The following DMRT3 variants were observed in gnomAD, a reference collection of about 807,000 sequenced individuals.
The protein encoded by DMRT3 is doublesex and mab-3 related transcription factor 3, also known as doublesex- and mab-3-related transcription factor 3.
In DMRT3, 29 loss-of-function variants were observed where a neutral mutation model predicts 34.9. The observed-to-expected ratio is 0.83, with a 90% CI of 0.62 to 1.13. DMRT3 has a LOEUF of 1.13. Ranked by LOEUF, DMRT3 falls within the 50% of genes most tolerant of loss-of-function variation. The pLI is 0.00. For missense variants in DMRT3, 772 were observed against 629.1 expected (o/e 1.23, Z -2.43); for synonymous variants, 350 against 286.0 (o/e 1.22, Z -2.26).
Position 990,605 on chromosome 9 carries a change from T to C in DMRT3, c.1019T>C (p.Leu340Ser). 6.2e-7 allele frequency: 1 copy of C among 1,614,132 alleles called. No individual in the cohort carries two copies. Among genetic ancestry groups the C allele is most frequent in the Non-Finnish European group, 8.5e-7 (1 of 1,180,026 alleles). ...TCAGCCTTTCGAGTCCCAGACACGT[T>C]GAGGTTTTCTGCCGACTCTAGCAAC... ...VGSAFRVPDT[L>S]RFSADSSNVV... The change falls in exon 2 of 2, where the codon TTG (leucine) becomes TCG (serine). Residue 340 changes from leucine (L) to serine (S), a missense_variant. Physicochemically the swap from Leu to Ser is moderately radical, Grantham distance 145 (BLOSUM62 -2). Coordinates refer to ENST00000190165, the MANE Select transcript of DMRT3 (RefSeq NM_021240.4).
rs1204577055 is a variant in DMRT3, at chr9:990,898, C to T, written c.1312C>T (p.Pro438Ser). 1.2e-6 allele frequency: 2 copies of T among 1,614,036 alleles called. No homozygotes were observed. The highest frequency in any genetic ancestry group is 1.3e-5 in the African/African-American group (1 of 74,912). Residue 438 changes from proline (P) to serine (S), a missense_variant, in exon 2 of 2, where the codon CCT (proline) becomes TCT (serine). Coordinates refer to ENST00000190165, the MANE Select transcript of DMRT3 (RefSeq NM_021240.4). ...CACGGAAGACCCTCGGATTTCCATC[C>T]CTGATGATGGGTGTCCATTTGTGTC... is the stretch of plus-strand genomic sequence containing the variant. ...RATEDPRISI[P>S]DDGCPFVSKQ...
rs1820359715 is a variant in DMRT3 at position 991,148 on chromosome 9, A to T, written c.*143A>T. ...GCTTGATTCTATACATTAGCAATAA[A>T]AACATAACTTATTTAACTTCTTGCA... On this transcript the variant is annotated 3_prime_UTR_variant, in exon 2 of 2. Coordinates refer to ENST00000190165, the MANE Select transcript of DMRT3 (RefSeq NM_021240.4). 1 of 1,144,514 alleles carries T rather than the reference A, an allele frequency of 8.7e-7. No individual in the cohort carries two copies. The highest frequency in any genetic ancestry group is 1.2e-6 in the Non-Finnish European group (1 of 816,486). The allele number at this position is 1,144,514 out of a possible 1,614,324, so 70.9% of individuals were successfully genotyped here.
rs1214082231 is a variant in DMRT3, at chr9:991,598, T to C, written c.*593T>C. ...CTTTTCACATGGCTGAATCGAAACA[T>C]GTGTAATGTCAATGTAAAACCAATC... On this transcript the variant is annotated 3_prime_UTR_variant, in exon 2 of 2. Transcript: ENST00000190165. 6.6e-6 allele frequency: 1 copy of C among 152,532 alleles called. No individual in the cohort carries two copies. The highest frequency in any genetic ancestry group is 2.4e-5 in the African/African-American group (1 of 41,410). 9.4% of individuals were successfully genotyped at this position (152,532 alleles called of 1,614,324 possible). A position where few individuals can be genotyped will look rare whatever the true frequency, so the allele number is the denominator to read the frequency against.
At chr9:989,197 A>T (rs1820321337) in intron 1 of DMRT3, among the ~76,000 whole-genome samples, 1 of 152,236 alleles carries the variant, frequency 6.6e-6, no homozygotes, top group Admixed American at 6.5e-5. Context: ...CCAGCAAAAC[A>T]GTTCATGCAC....
intron 1 of DMRT3, among the ~76,000 whole-genome samples, chr9:979,574 T>A (rs1385774651): frequency 6.6e-6 from 1 of 152,170 alleles, no homozygotes; most frequent in East Asian, 1.9e-4. Flanking sequence ...TGTTTTCTTC[T>A]TTCACTTGCT....
intron 1 of DMRT3, among the ~76,000 whole-genome samples, chr9:982,010 T>G (rs144100585): frequency 6.6e-6 from 1 of 152,152 alleles, no homozygotes; most frequent in African/African-American, 2.4e-5. Context: ...AGTTGACACC[T>G]TCTGCAAAAA....
chr9:981,996 G>A (rs1820226643), intron 1 of DMRT3, among the ~76,000 whole-genome samples: 1 of 152,202 alleles, frequency 6.6e-6, no homozygotes, highest in Non-Finnish European at 1.5e-5. Context: ...GGAGTCCCGA[G>A]GTGAGTTGAC....
intron 1 of DMRT3, among the ~76,000 whole-genome samples, chr9:978,012 C>T (rs746751529): frequency 5.9e-5 from 9 of 152,200 alleles, no homozygotes; most frequent in Non-Finnish European, 1.2e-4. Context: ...CTCTCAGAAC[C>T]CTGGCCTTTC....
Position 977,345 on chromosome 9 carries a change from C to T in DMRT3, c.344C>T (p.Pro115Leu). 8.0e-7 allele frequency: 1 copy of T among 1,245,484 alleles called. No homozygotes were observed. The highest frequency in any genetic ancestry group is 1.0e-6 in the Non-Finnish European group (1 of 997,724). The allele number at this position is 1,245,484 out of a possible 1,614,324, so 77.2% of individuals were successfully genotyped here. A position where few individuals can be genotyped will look rare whatever the true frequency, so the allele number is the denominator to read the frequency against. The change falls in exon 1 of 2, where the codon CCG (proline) becomes CTG (leucine). Residue 115 changes from proline to leucine, a missense_variant. By Grantham distance (98) the Pro-to-Leu change is moderately conservative. Coordinates refer to ENST00000190165, the MANE Select transcript of DMRT3 (RefSeq NM_021240.4). ...CCGCAGCCGCCGCCAGCCTCTCAGC[C>T]GTCGCAGCCGCAGCCGCCGCGCCCT... Reference protein sequence around the residue: ...AAPQPPPASQPSQPQPPRPAA... With the variant: ...AAPQPPPASQLSQPQPPRPAA...
At chr9:979,240 A>G (rs1275078788) in intron 1 of DMRT3, among the ~76,000 whole-genome samples, 2 of 152,226 alleles carry the variant, frequency 1.3e-5, no homozygotes, top group East Asian at 3.9e-4. Context: ...AACTAAAAAC[A>G]CAACCCCAGG....
Position 990,716 on chromosome 9 carries a change from C to T in DMRT3, c.1130C>T (p.Ala377Val), listed in dbSNP as rs1252510941. The change falls in exon 2 of 2, where the codon GCG becomes GTG. Residue 377 changes from alanine to valine, a missense_variant. Transcript: ENST00000190165. ...CCGCTGATGCTGAGGAATACTTTGG[C>T]GAGAAGCCAGTCGAGCCCCTTTTTG... is the stretch of plus-strand genomic sequence containing the variant. Reference protein sequence around the residue: ...RYPLMLRNTLARSQSSPFLPN... With the variant: ...RYPLMLRNTLVRSQSSPFLPN... 2 of 1,614,052 alleles carry T rather than the reference C, an allele frequency of 1.2e-6. No individual in the cohort carries two copies. The highest frequency in any genetic ancestry group is 1.7e-6 in the Non-Finnish European group (2 of 1,180,028).
In DMRT3 at chr9:979,872, C is replaced by T. The variant is rs952262411; in HGVS notation, c.454+2417C>T. 2.0e-4 allele frequency among the ~76,000 whole-genome samples: 31 copies of T among 152,122 alleles called. 1 individual carries two copies. The highest frequency in any genetic ancestry group is 3.8e-4 in the Non-Finnish European group (26 of 68,022). On this transcript the variant is annotated intron_variant, in intron 1 of 1. Coordinates refer to ENST00000190165, the MANE Select transcript of DMRT3 (RefSeq NM_021240.4). ...ATTTAGAAGCATATCAGAACTACTC[C>T]TGAATAAGTGCAGAGAGTAAGCAAA...
At chr9:987,075 A>G (rs376160145) in intron 1 of DMRT3, among the ~76,000 whole-genome samples, 1 of 152,084 alleles carries the variant, frequency 6.6e-6, no homozygotes, top group Non-Finnish European at 1.5e-5. Context: ...AAAGTTTACA[A>G]TTTTAACCAT....
At chr9:978,535 C>G (rs948532170) in intron 1 of DMRT3, among the ~76,000 whole-genome samples, 2 of 152,210 alleles carry the variant, frequency 1.3e-5, no homozygotes, top group East Asian at 3.9e-4. Flanking sequence ...GGTACCTACA[C>G]TGACCTGCCA....
In DMRT3 at chr9:984,097, C is replaced by T. The variant is rs147722381; in HGVS notation, c.455-5944C>T. 1.1e-4 allele frequency among the ~76,000 whole-genome samples: 17 copies of T among 152,172 alleles called. No individual in the cohort carries two copies. In the East Asian group the frequency reaches 3.1e-3, roughly 28 times the overall value. On this transcript the variant is annotated intron_variant, in intron 1 of 1. Transcript: ENST00000190165. ...AGAGAAAATGTGAAGCGTTTGTCTA[C>T]GATTAGAATTCTGATTAGGCAATGG...
At chr9:982,477 T>G (rs1349269480) in intron 1 of DMRT3, among the ~76,000 whole-genome samples, 1 of 152,204 alleles carries the variant, frequency 6.6e-6, no homozygotes, top group Non-Finnish European at 1.5e-5. Context: ...ACTCCCGGGT[T>G]TAAAAGATTA....
At position 976,761 on chromosome 9, in the gene DMRT3, A is replaced by C. The variant is rs1820151774; in HGVS notation, c.-241A>C. ...GCCGACCCGGCTGCGCGCCCAAGGC[A>C]GAGGCCCGCGTCGGCGTTGGCTGGG... On this transcript the variant is annotated 5_prime_UTR_variant, in exon 1 of 2. Coordinates refer to ENST00000190165, the MANE Select transcript of DMRT3 (RefSeq NM_021240.4). The surrounding 1 kb of genome is among the most constrained non-coding windows in gnomAD (Gnocchi z 4.5). Among the ~76,000 whole-genome samples, 1 of 152,132 alleles carries C rather than the reference A, an allele frequency of 6.6e-6. No homozygotes were observed. Among genetic ancestry groups the C allele is most frequent in the Non-Finnish European group, 1.5e-5 (1 of 67,998 alleles).
intron 1 of DMRT3, among the ~76,000 whole-genome samples, chr9:978,274 T>A (rs1290102102): frequency 6.6e-6 from 1 of 152,180 alleles, no homozygotes; most frequent in African/African-American, 2.4e-5. Flanking sequence ...CATCCAGGCC[T>A]CCTGAGCTTG....
At chr9:978,298 G>A (rs1820177702) in intron 1 of DMRT3, among the ~76,000 whole-genome samples, 1 of 152,182 alleles carries the variant, frequency 6.6e-6, no homozygotes, top group South Asian at 2.1e-4. Context: ...GGCCTGAGTT[G>A]AGTCTCTTAG....
Sources: gnomAD v4.1 joint callset for allele counts (sites outside exome capture counted in the v4.1 genomes callset) on GRCh38, gnomAD v4.1.1 for gene constraint, Gnocchi (gnomAD v3.1) non-coding constraint, MANE v1.5 for transcripts, NCBI Gene and HGNC (gene_info 2026-07-23, HGNC 2026-07-21) for gene names.